The following ASXL2 variants were observed in gnomAD, a reference collection of about 807,000 sequenced individuals.
ASXL2 encodes the protein putative Polycomb group protein ASXL2.
ASXL2 carries 23 observed loss-of-function variants against 122.0 expected under a neutral mutation model. The observed-to-expected ratio is 0.19, with a 90% CI of 0.14 to 0.27. The LOEUF is 0.27. ASXL2 is among the 10% of genes least tolerant of loss of function. ASXL2 has a pLI of 1.00. For missense variants in ASXL2, 1,518 were observed against 1,713.8 expected, an observed-to-expected ratio of 0.89 and a Z score of 2.02; for synonymous variants, 650 against 637.0, an observed-to-expected ratio of 1.02 and a Z score of -0.31.
intron 1 of ASXL2, among the ~76,000 whole-genome samples, chr2:25,850,935 T>G (rs922237351): frequency 1.3e-5 from 2 of 152,140 alleles, no homozygotes; most frequent in Non-Finnish European, 2.9e-5. Context: ...GGTCAGGAGT[T>G]TGAGACCAGC....
intron 1 of ASXL2, among the ~76,000 whole-genome samples, chr2:25,849,515 C>T (rs1032700962): frequency 1.3e-4 from 19 of 150,500 alleles, no homozygotes; most frequent in African/African-American, 4.1e-4. Flanking sequence ...CACTGTATTG[C>T]CCAGGCTGGA....
At chr2:25,845,249 T>C (rs951447905) in intron 2 of ASXL2, 5 of 578,464 alleles carry the variant, frequency 8.6e-6, no homozygotes, top group Non-Finnish European at 1.6e-5. Context: ...TTAAAGTGCA[T>C]GGGCTTAAAG....
chr2:25,761,258 T>A lies in ASXL2; in HGVS notation c.776-1613A>T, dbSNP rs546567646. The stretch of plus-strand genomic sequence containing the variant: ...AACTACAAAACTAAAGCTCTAGAAG[T>A]GGAACGTATTCCAAAGAGGACAGAA... On this transcript the variant is annotated intron_variant, in intron 8 of 12. Coordinates refer to ENST00000435504, the MANE Select transcript of ASXL2 (RefSeq NM_018263.6). Among the ~76,000 whole-genome samples the A allele has an allele frequency of 5.3e-5, 8 of 152,300 alleles. 1 individual carries two copies. In the South Asian group the frequency reaches 1.7e-3, roughly 32 times the overall value.
intron 12 of ASXL2, among the ~76,000 whole-genome samples, chr2:25,747,483 T>G (rs958081821): frequency 2.0e-5 from 3 of 152,094 alleles, no homozygotes; most frequent in South Asian, 2.1e-4. Context: ...GAGAAGTCTT[T>G]TTTGAGGGAG....
intron 6 of ASXL2, 80 bp from the exon 7 acceptor site, chr2:25,768,948 G>C: frequency 6.9e-7 from 1 of 1,451,074 alleles, no homozygotes. Flanking sequence ...TTTTTAAATG[G>C]CAAGAAGCAT....
At position 25,743,912 on chromosome 2, in the gene ASXL2, T is replaced by TGGG; in HGVS notation, c.2422_2424dup (p.Pro808dup). 6.2e-7 allele frequency: 1 copy of TGGG among 1,613,900 alleles called. No individual in the cohort carries two copies. The highest frequency in any genetic ancestry group is 8.5e-7 in the Non-Finnish European group (1 of 1,179,870). The stretch of plus-strand genomic sequence containing the variant: ...GAGGCCACTGTGGCTGTTGCTCTGG[T>TGGG]GGGGTTCAGTTTTTCATTATCCAAT... On this transcript the variant is annotated inframe_insertion, in exon 13 of 13. Transcript: ENST00000435504.
At position 25,856,565 on chromosome 2, in the gene ASXL2, C is replaced by T. The variant is rs963535045; in HGVS notation, c.58-11002G>A. The T allele has an allele frequency of 3.5e-6, 4 of 1,155,786 alleles. No homozygotes were observed. In the African/African-American group the frequency reaches 6.1e-5, roughly 18 times the overall value. 71.6% of individuals were successfully genotyped at this position (1,155,786 alleles called of 1,614,324 possible). On this transcript the variant is annotated intron_variant, in intron 1 of 12. Coordinates refer to ENST00000435504, the MANE Select transcript of ASXL2 (RefSeq NM_018263.6). Reference sequence around the variant, plus strand: ...GTTGGTTGTATTTCGCCAGACGCTCCAAGGGGTAGGGGGCGCCAGTCTTGA... The same window carrying T: ...GTTGGTTGTATTTCGCCAGACGCTCTAAGGGGTAGGGGGCGCCAGTCTTGA...
intron 5 of ASXL2, among the ~76,000 whole-genome samples, chr2:25,790,994 A>G (rs897217061): frequency 2.0e-5 from 3 of 151,616 alleles, no homozygotes; most frequent in Non-Finnish European, 2.9e-5. Context: ...ACAAGGTCTC[A>G]CCATGTTGCC....
chr2:25,865,710 G>A (rs1215993375), intron 1 of ASXL2, among the ~76,000 whole-genome samples: 4 of 134,014 alleles, frequency 3.0e-5, no homozygotes, highest in African/African-American at 5.7e-5. Flanking sequence ...AGGATGCAGA[G>A]CTTGCAGTGA....
chr2:25,784,273 A>G (rs2088700736), intron 5 of ASXL2, among the ~76,000 whole-genome samples: 1 of 151,964 alleles, frequency 6.6e-6, no homozygotes, highest in Non-Finnish European at 1.5e-5. Flanking sequence ...AGAAATTAAG[A>G]AAGTAGGTGG....
At chr2:25,855,868 C>T (rs1315795656) in intron 1 of ASXL2, among the ~76,000 whole-genome samples, 1 of 131,632 alleles carries the variant, frequency 7.6e-6, no homozygotes, top group Non-Finnish European at 1.7e-5. Context: ...GACAGAAACA[C>T]AATCTTGATA....
chr2:25,779,297 C>T (rs1233031606), intron 5 of ASXL2, among the ~76,000 whole-genome samples: 2 of 151,826 alleles, frequency 1.3e-5, no homozygotes, highest in African/African-American at 4.8e-5. Context: ...GAGGTTTTGC[C>T]ATGTTGGCCA....
chr2:25,813,547 C>T (rs2089197840), intron 3 of ASXL2, among the ~76,000 whole-genome samples: 3 of 152,112 alleles, frequency 2.0e-5, no homozygotes, highest in African/African-American at 7.2e-5. Flanking sequence ...CTTAGTTTTT[C>T]AACCACTGCG....
At chr2:25,781,966 C>CTTTTTTTTTT (rs35973982) in intron 5 of ASXL2, among the ~76,000 whole-genome samples, 1 of 81,074 alleles carries the variant, frequency 1.2e-5, no homozygotes, top group Non-Finnish European at 2.4e-5. Context: ...GGGCTTTTTT[C>CTTTTTTTTTT]TTTTTTTTTT....
intron 2 of ASXL2, among the ~76,000 whole-genome samples, chr2:25,836,568 T>C (rs2089514250): frequency 6.6e-6 from 1 of 152,216 alleles, no homozygotes; most frequent in South Asian, 2.1e-4. Context: ...TGAAAGAGAT[T>C]ATTTTCTTCA....
chr2:25,769,886 G>A (rs1490899906), intron 6 of ASXL2, among the ~76,000 whole-genome samples: 1 of 152,170 alleles, frequency 6.6e-6, no homozygotes, highest in Non-Finnish European at 1.5e-5. Flanking sequence ...GGCAACAAAT[G>A]ATCTCCTCAC....
At chr2:25,762,982 G>A (rs1474769915) in intron 8 of ASXL2, among the ~76,000 whole-genome samples, 2 of 152,140 alleles carry the variant, frequency 1.3e-5, no homozygotes, top group East Asian at 1.9e-4. Context: ...AAAAAGACTT[G>A]ATGATCGATA....
At chr2:25,792,934 TTAAG>T (rs2088857167) in intron 5 of ASXL2, among the ~76,000 whole-genome samples, 2 of 151,902 alleles carry the variant, frequency 1.3e-5, no homozygotes, top group Admixed American at 6.6e-5. Flanking sequence ...AAGCTTAATA[TTAAG>T]TGTTTTCAGA....
intron 1 of ASXL2, chr2:25,856,819 C>T: frequency 3.6e-6 from 4 of 1,102,384 alleles, no homozygotes; most frequent in Non-Finnish European, 1.4e-6. Flanking sequence ...AGGTCATCCC[C>T]CACAATCTGG....
Sources: allele counts gnomAD v4.1 joint callset (sites outside exome capture counted in the v4.1 genomes callset), GRCh38; gene constraint gnomAD v4.1.1; transcripts MANE v1.5; gene names NCBI Gene and HGNC (gene_info 2026-07-23, HGNC 2026-07-21).